GUCA1C: variants seen among roughly 807,000 people sequenced by gnomAD.
GUCA1C encodes the protein guanylyl cyclase-activating protein 3.
In GUCA1C, 15 loss-of-function variants were observed where a neutral mutation model predicts 16.2. The ratio of observed to expected loss-of-function variants is 0.93; its 90% confidence interval spans 0.62 to 1.43. The LOEUF is 1.43. GUCA1C is among the 40% of genes most tolerant of loss of function. The probability of loss-of-function intolerance (pLI) is 0.00; values close to 1 mark genes in which losing one functional copy is unlikely to be tolerated. For missense variants in GUCA1C, 275 were observed against 244.8 expected, an observed-to-expected ratio of 1.12 and a Z score of -0.82; for synonymous variants, 78 against 85.4, an observed-to-expected ratio of 0.91 and a Z score of 0.48.
At chr3:108,945,316 T>C (rs1052654730) in intron 1 of GUCA1C, among the ~76,000 whole-genome samples, 3 of 152,250 alleles carry the variant, frequency 2.0e-5, no homozygotes, top group African/African-American at 4.8e-5. Flanking sequence ...AGGTTTTGCG[T>C]TGGCAGTGGT....
At chr3:108,941,262 A>AGTCCT (rs1471105023) in intron 1 of GUCA1C, among the ~76,000 whole-genome samples, 1 of 152,154 alleles carries the variant, frequency 6.6e-6, no homozygotes, top group Non-Finnish European at 1.5e-5. Flanking sequence ...TCATCCCCTC[A>AGTCCT]GTCCTGATGT....
At chr3:108,925,625 ATG>A (rs1946615916) in intron 1 of GUCA1C, among the ~76,000 whole-genome samples, 1 of 152,208 alleles carries the variant, frequency 6.6e-6, no homozygotes, top group South Asian at 2.1e-4. Flanking sequence ...CTCTGTAAAT[ATG>A]TGTTAAGTCC....
chr3:108,945,836 A>C (rs1046941673), intron 1 of GUCA1C, among the ~76,000 whole-genome samples: 1 of 152,196 alleles, frequency 6.6e-6, no homozygotes. Context: ...GCTTCCTGTT[A>C]TACTAAAAGA....
At chr3:108,944,759 AAT>A (rs1186034379) in intron 1 of GUCA1C, among the ~76,000 whole-genome samples, 1 of 152,150 alleles carries the variant, frequency 6.6e-6, no homozygotes, top group Non-Finnish European at 1.5e-5. Flanking sequence ...TCACTCAGTA[AAT>A]ATGTTTGCTA....
intron 3 of GUCA1C, among the ~76,000 whole-genome samples, chr3:108,911,919 A>C (rs960800288): frequency 2.0e-5 from 3 of 152,106 alleles, no homozygotes; most frequent in African/African-American, 7.2e-5. Context: ...CAGCCTGGCC[A>C]ATATGGTGAA....
chr3:108,920,426 C>T lies in GUCA1C; in HGVS notation c.354+10G>A, dbSNP rs1186304841. ...GCGGCCTGAAAAGGATACTTTACTA[C>T]TTCACTTACCATGAACATGTCCAGT... is the stretch of plus-strand genomic sequence containing the variant. On this transcript the variant is annotated intron_variant, in intron 2 of 3. Transcript: ENST00000261047. 2 of 1,601,946 alleles carry T rather than the reference C, an allele frequency of 1.2e-6. No individual in the cohort carries two copies. The highest frequency in any genetic ancestry group is 1.7e-6 in the Non-Finnish European group (2 of 1,169,538).
intron 2 of GUCA1C, among the ~76,000 whole-genome samples, chr3:108,918,800 C>T (rs1176926761): frequency 6.6e-6 from 1 of 151,956 alleles, no homozygotes; most frequent in Non-Finnish European, 1.5e-5. Context: ...TTTTCACCTG[C>T]CCATTATATA....
At chr3:108,950,920 T>C (rs1946890368) in intron 1 of GUCA1C, among the ~76,000 whole-genome samples, 1 of 152,144 alleles carries the variant, frequency 6.6e-6, no homozygotes. Flanking sequence ...TCTCATGATA[T>C]TACACAGAAT....
chr3:108,953,488 G>GAAAA, intron 1 of GUCA1C, 71 bp downstream of exon 1: 1 of 874,086 alleles, frequency 1.1e-6, no homozygotes, highest in Non-Finnish European at 1.8e-6. Flanking sequence ...TATTTTACAG[G>GAAAA]AAAAAAAAAA....
chr3:108,920,107 C>A (rs1332334749), intron 2 of GUCA1C, among the ~76,000 whole-genome samples: 2 of 152,132 alleles, frequency 1.3e-5, no homozygotes, highest in Non-Finnish European at 2.9e-5. Context: ...TAAACCATCT[C>A]ATAGTTTAGC....
At chr3:108,921,699 T>C (rs2593941) in intron 1 of GUCA1C, among the ~76,000 whole-genome samples, 111,910 of 152,078 alleles carry the variant, frequency 0.74, 41,851 homozygotes, top group Non-Finnish European at 0.79. Context: ...ATGTTGAACA[T>C]CTTTTTGTGT....
At chr3:108,954,019 G>A (rs1004235108), upstream of GUCA1C, 12 of 470,702 alleles carry the variant, frequency 2.5e-5, no homozygotes, top group Non-Finnish European at 3.8e-5. Context: ...TTTTGTGAAG[G>A]GAACACGCAA....
chr3:108,936,489 T>C (rs1195258857), intron 1 of GUCA1C, among the ~76,000 whole-genome samples: 1 of 152,164 alleles, frequency 6.6e-6, no homozygotes, highest in Non-Finnish European at 1.5e-5. Context: ...GTTAAATAAA[T>C]GAATTAAAGT....
At chr3:108,925,416 T>C (rs779574477) in intron 1 of GUCA1C, among the ~76,000 whole-genome samples, 3 of 152,202 alleles carry the variant, frequency 2.0e-5, no homozygotes, top group Non-Finnish European at 2.9e-5. Context: ...TTAATTTCCA[T>C]GTATTTGCAT....
At chr3:108,920,983 CTTTG>C (rs1233491088) in intron 1 of GUCA1C, among the ~76,000 whole-genome samples, 1 of 152,162 alleles carries the variant, frequency 6.6e-6, no homozygotes. Flanking sequence ...AGTGTCCACT[CTTTG>C]TATTTTACAT....
chr3:108,933,809 A>T (rs1946694474), intron 1 of GUCA1C, among the ~76,000 whole-genome samples: 1 of 152,160 alleles, frequency 6.6e-6, no homozygotes, highest in East Asian at 1.9e-4. Context: ...CTACAATTTG[A>T]CCCAGCAATC....
chr3:108,953,488 G>GAAA (rs11330501), intron 1 of GUCA1C, 71 bp downstream of exon 1: 8 of 873,968 alleles, frequency 9.2e-6, no homozygotes, highest in East Asian at 2.7e-5. Context: ...TATTTTACAG[G>GAAA]AAAAAAAAAA....
intron 1 of GUCA1C, among the ~76,000 whole-genome samples, chr3:108,940,098 T>C (rs1456913960): frequency 6.6e-6 from 1 of 152,242 alleles, no homozygotes; most frequent in East Asian, 1.9e-4. Context: ...GAAAATTCTT[T>C]GTAAATTATG....
chr3:108,924,425 T>TATG (rs1257782207), intron 1 of GUCA1C, among the ~76,000 whole-genome samples: 100 of 152,302 alleles, frequency 6.6e-4, no homozygotes, highest in African/African-American at 2.3e-3. Context: ...AAATTCTGTT[T>TATG]ATGTGGTGTA....
Sources: gnomAD v4.1 joint callset for allele counts (sites outside exome capture counted in the v4.1 genomes callset) on GRCh38, gnomAD v4.1.1 for gene constraint, MANE v1.5 for transcripts, NCBI Gene and HGNC (gene_info 2026-07-23, HGNC 2026-07-21) for gene names.